Variants in MMAB observed in about 807,000 individuals in gnomAD.
The protein encoded by MMAB is metabolism of cobalamin associated B, also known as corrinoid adenosyltransferase MMAB.
MMAB carries 17 observed loss-of-function variants against 30.6 expected under a neutral mutation model. That is an observed-to-expected ratio of 0.56 (90% CI 0.38 to 0.83). MMAB has a LOEUF of 0.83. Among genes scored for constraint, MMAB ranks in the 40% least tolerant of loss-of-function variants. The pLI, the probability that MMAB is intolerant of heterozygous loss-of-function variation, is 0.00. For synonymous variants in MMAB, 134 were observed against 138.6 expected (o/e 0.97, Z 0.23); for missense variants, 311 against 331.6 (o/e 0.94, Z 0.48).
In MMAB at chr12:109,557,046, G is replaced by T. The variant is rs377015836; in HGVS notation, c.735C>A (p.Ala245=). The change falls in exon 9 of 9, where the codon GCC becomes GCA. Residue 245 remains alanine, a synonymous_variant. Coordinates refer to ENST00000545712, the MANE Select transcript of MMAB (RefSeq NM_052845.4). The part of the protein sequence containing the change: ...EKIYMKNDPS[A]ESEGL ...TGTGATTTCAGAGTCCCTCAGACTCGGCCGATGGGTCATTTTTCATGTATA... is the reference window on the plus strand; with the variant it reads ...TGTGATTTCAGAGTCCCTCAGACTCTGCCGATGGGTCATTTTTCATGTATA... 3.7e-6 allele frequency: 6 copies of T among 1,611,330 alleles called. No homozygotes were observed. The South Asian group carries it at 6.6e-5, about 18-fold the overall frequency.
At chr12:109,562,307 T>C (rs1268918847) in intron 4 of MMAB, among the ~76,000 whole-genome samples, 1 of 152,240 alleles carries the variant, frequency 6.6e-6, no homozygotes, top group East Asian at 1.9e-4. Flanking sequence ...ATTAAACTTC[T>C]TTTCTTTATA....
intron 8 of MMAB, 70 bp downstream of exon 8, chr12:109,559,026 T>C: frequency 4.2e-6 from 5 of 1,193,606 alleles, no homozygotes; most frequent in Non-Finnish European, 6.3e-6. Flanking sequence ...CCCGGACCGC[T>C]GCACCGCTGC....
Position 109,561,282 on chromosome 12 carries a change from C to A in MMAB, c.519+138G>T. The A allele has an allele frequency of 6.4e-7, 1 of 1,573,982 alleles. No individual in the cohort carries two copies. The highest frequency in any genetic ancestry group is 1.7e-4 in the Middle Eastern group (1 of 6,036). ...CAGAGTGGGCAGGGCTGGGAGGGAC[C>A]GGTGAGGACCTGGAGGGACTTGGGG... On this transcript the variant is annotated intron_variant, in intron 6 of 8. Transcript: ENST00000545712. The surrounding 1 kb of genome is among the most constrained non-coding windows in gnomAD (Gnocchi z 5.3).
At chr12:109,562,962 G>A (rs538065722) in intron 4 of MMAB, among the ~76,000 whole-genome samples, 64 of 152,318 alleles carry the variant, frequency 4.2e-4, no homozygotes, top group Admixed American at 3.3e-3. Flanking sequence ...AAGCTGGATG[G>A]TGGGCTACCA....
chr12:109,563,310 T>G (rs565571652), intron 4 of MMAB, among the ~76,000 whole-genome samples: 34 of 152,342 alleles, frequency 2.2e-4, no homozygotes, highest in African/African-American at 8.2e-4. Context: ...TTTCTGAGGC[T>G]CAGTTTGGCT....
intron 4 of MMAB, among the ~76,000 whole-genome samples, chr12:109,563,921 T>G (rs1287949453): frequency 6.6e-6 from 1 of 152,180 alleles, no homozygotes; most frequent in Non-Finnish European, 1.5e-5. Context: ...ACCCTGGGCA[T>G]TCTGGGGTGG....
chr12:109,570,248 C>A (rs1884586849), intron 2 of MMAB, among the ~76,000 whole-genome samples: 1 of 152,094 alleles, frequency 6.6e-6, no homozygotes, highest in African/African-American at 2.4e-5. Context: ...CAGAACTAGA[C>A]CCTGTCTCAA....
rs1228514762 is a variant in MMAB at position 109,555,911 on chromosome 12, G to A, written c.*1117C>T. Reference sequence around the variant, plus strand: ...CAGCTGTCCCGAGCCTAGCGCGGTGGCCCATGCTAAGCAGCCACTCAGTCA... The same window carrying A: ...CAGCTGTCCCGAGCCTAGCGCGGTGACCCATGCTAAGCAGCCACTCAGTCA... On this transcript the variant is annotated 3_prime_UTR_variant, in exon 9 of 9. Coordinates refer to ENST00000545712, the MANE Select transcript of MMAB (RefSeq NM_052845.4). 2 of 453,994 alleles carry A rather than the reference G, an allele frequency of 4.4e-6. No homozygotes were observed. The highest frequency in any genetic ancestry group is 2.0e-5 in the African/African-American group (1 of 50,006). 28.1% of individuals were successfully genotyped at this position (453,994 alleles called of 1,614,324 possible).
rs1033725831 is a variant in MMAB, at chr12:109,558,389, G to T, written c.644+707C>A. 8.5e-5 allele frequency among the ~76,000 whole-genome samples: 13 copies of T among 152,152 alleles called. No homozygotes were observed. The highest frequency in any genetic ancestry group is 3.1e-4 in the African/African-American group (13 of 41,424). On this transcript the variant is annotated intron_variant, in intron 8 of 8. Coordinates refer to ENST00000545712, the MANE Select transcript of MMAB (RefSeq NM_052845.4). The surrounding 1 kb of genome is among the most constrained non-coding windows in gnomAD (Gnocchi z 4.3). ...CGTCAAAGCGCCATGTCTCTGGGAGGAGTGGCCACAGTCAAGGGCCTGAGG... is the reference window on the plus strand; with the variant it reads ...CGTCAAAGCGCCATGTCTCTGGGAGTAGTGGCCACAGTCAAGGGCCTGAGG...
In MMAB at chr12:109,561,854, T is replaced by TG. The variant is rs759049347; in HGVS notation, c.349-3dup. 2.9e-5 allele frequency: 47 copies of TG among 1,602,798 alleles called. No homozygotes were observed. The Middle Eastern group carries it at 4.9e-4, about 17-fold the overall frequency. On this transcript the variant is annotated splice_region_variant and splice_polypyrimidine_tract_variant and intron_variant, in intron 4 of 8. Coordinates refer to ENST00000545712, the MANE Select transcript of MMAB (RefSeq NM_052845.4). The surrounding 1 kb of genome is among the most constrained non-coding windows in gnomAD (Gnocchi z 5.3). ...GACGTCCTGCAATGTGCACTGGATC[T>TG]GGGGGGCGACAGAAAGTGACAGTCA...
At position 109,555,864 on chromosome 12, in the gene MMAB, C is replaced by T. The variant is rs1289496021; in HGVS notation, c.*1164G>A. ...AAGGTAATGTTTGCTGACTTGCCAG[C>T]AAGAAAGATGGCCGGAAAGACCAGC... On this transcript the variant is annotated 3_prime_UTR_variant, in exon 9 of 9. Coordinates refer to ENST00000545712, the MANE Select transcript of MMAB (RefSeq NM_052845.4). 1 of 454,092 alleles carries T rather than the reference C, an allele frequency of 2.2e-6. No individual in the cohort carries two copies. Among genetic ancestry groups the T allele is most frequent in the Non-Finnish European group, 4.4e-6 (1 of 226,786 alleles). 28.1% of individuals were successfully genotyped at this position (454,092 alleles called of 1,614,324 possible).
In MMAB at chr12:109,555,275, G is replaced by GTTTTTC. The variant is rs1883925094; in HGVS notation, c.*1752_*1753insGAAAAA. The GTTTTTC allele has an allele frequency of 8.7e-6, 3 of 343,816 alleles. No homozygotes were observed. Among genetic ancestry groups the GTTTTTC allele is most frequent in the Non-Finnish European group, 1.6e-5 (3 of 190,804 alleles). 21.3% of individuals were successfully genotyped at this position (343,816 alleles called of 1,614,324 possible). On this transcript the variant is annotated 3_prime_UTR_variant, in exon 9 of 9. Transcript: ENST00000545712. ...GAGCCTTAGTGATTGCGTTTTCAGGGTTTTTTTTTTTTTTTTTTTTTTTTT... is the reference window on the plus strand; with the variant it reads ...GAGCCTTAGTGATTGCGTTTTCAGGGTTTTTCTTTTTTTTTTTTTTTTTTTTTTTTT...
chr12:109,566,686 C>T (rs573130428), intron 3 of MMAB, among the ~76,000 whole-genome samples: 2 of 152,308 alleles, frequency 1.3e-5, no homozygotes, highest in South Asian at 2.1e-4. Context: ...GCTCCCTGCA[C>T]TCTGCAGCTC....
At position 109,554,805 on chromosome 12, in the gene MMAB, C is replaced by T. The variant is rs1337716257; in HGVS notation, c.*2223G>A. 1 of 454,148 alleles carries T rather than the reference C, an allele frequency of 2.2e-6. No homozygotes were observed. The highest frequency in any genetic ancestry group is 4.4e-6 in the Non-Finnish European group (1 of 226,808). 28.1% of individuals were successfully genotyped at this position (454,148 alleles called of 1,614,324 possible). On this transcript the variant is annotated 3_prime_UTR_variant, in exon 9 of 9. Coordinates refer to ENST00000545712, the MANE Select transcript of MMAB (RefSeq NM_052845.4). The stretch of plus-strand genomic sequence containing the variant: ...ACTGCAGAAGAGCAAATGTTTTAAA[C>T]ACCCCATCCTTCCAGCCCCCAAAGC...
chr12:109,573,311 C>T (rs1404893840), intron 1 of MMAB, 36 bp downstream of exon 1: 11 of 1,611,752 alleles, frequency 6.8e-6, no homozygotes, highest in Non-Finnish European at 9.3e-6. Context: ...CGATTCACGG[C>T]AGGTGTTCGA....
rs755890749 is a variant in MMAB, at chr12:109,556,909, A to AAGGCTGCTTTTT, written c.*118_*119insAAAAAGCAGCCT. The AAGGCTGCTTTTT allele has an allele frequency of 2.5e-5, 17 of 678,310 alleles. No individual in the cohort carries two copies. The East Asian group carries it at 4.7e-4, about 19-fold the overall frequency. 42.0% of individuals were successfully genotyped at this position (678,310 alleles called of 1,614,324 possible). ...GTAGATCAAAGCTGAGCTGGGACAAAAGGCTGCTTTGAGCCTCTCTGGGTG... is the reference window on the plus strand; with the variant it reads ...GTAGATCAAAGCTGAGCTGGGACAAAAGGCTGCTTTTTAGGCTGCTTTGAGCCTCTCTGGGTG... On this transcript the variant is annotated 3_prime_UTR_variant, in exon 9 of 9. Coordinates refer to ENST00000545712, the MANE Select transcript of MMAB (RefSeq NM_052845.4).
chr12:109,570,003 T>C (rs72650200), intron 2 of MMAB: 2 of 223,586 alleles, frequency 8.9e-6, no homozygotes, highest in Non-Finnish European at 1.9e-5. Context: ...TGGCTCACAC[T>C]GTAATCCCAG....
In MMAB at chr12:109,569,694, GC is replaced by G. The variant is rs1440774581; in HGVS notation, c.197-832del. ...CGGGCAGGCTTTGGGGTTGCCAGGT[GC>G]CGGCCTGGCACTCACAGGTAGACTG... On this transcript the variant is annotated intron_variant, in intron 2 of 8. Coordinates refer to ENST00000545712, the MANE Select transcript of MMAB (RefSeq NM_052845.4). This position sits in a 1 kb window ranked among gnomAD's most constrained non-coding sequence, Gnocchi z 4.1. Among the ~76,000 whole-genome samples the G allele has an allele frequency of 6.6e-6, 1 of 152,226 alleles. No individual in the cohort carries two copies. Among genetic ancestry groups the G allele is most frequent in the Non-Finnish European group, 1.5e-5 (1 of 68,044 alleles).
intron 3 of MMAB, among the ~76,000 whole-genome samples, chr12:109,567,319 C>T (rs147426554): frequency 3.9e-5 from 6 of 152,248 alleles, no homozygotes; most frequent in African/African-American, 1.2e-4. Context: ...TTGACAGAAC[C>T]GTAAACTGAG....
Sources: allele counts gnomAD v4.1 joint callset (sites outside exome capture counted in the v4.1 genomes callset), GRCh38; gene constraint gnomAD v4.1.1; non-coding constraint Gnocchi (gnomAD v3.1); transcripts MANE v1.5; gene names NCBI Gene and HGNC (gene_info 2026-07-23, HGNC 2026-07-21).